PDE7B: variants seen among roughly 807,000 people sequenced by gnomAD.
PDE7B encodes 3',5'-cyclic-AMP phosphodiesterase 7B.
PDE7B carries 29 observed loss-of-function variants against 56.2 expected under a neutral mutation model. The observed-to-expected ratio is 0.52, with a 90% CI of 0.38 to 0.70. The LOEUF is 0.70. Ranked by LOEUF, PDE7B falls within the 30% of genes least tolerant of loss-of-function variation. The probability of loss-of-function intolerance (pLI) is 0.00; values close to 1 mark genes in which losing one functional copy is unlikely to be tolerated. For synonymous variants in PDE7B, 197 were observed against 196.9 expected, an observed-to-expected ratio of 1.00 and a Z score of 0.00; for missense variants, 490 against 565.0, an observed-to-expected ratio of 0.87 and a Z score of 1.35.
At chr6:135,885,026 C>T (rs573094745) in intron 1 of PDE7B, among the ~76,000 whole-genome samples, 4 of 152,222 alleles carry the variant, frequency 2.6e-5, no homozygotes, top group Admixed American at 6.5e-5. Flanking sequence ...ATTTCCATGC[C>T]GTCACTTAAC....
At chr6:135,877,629 C>A (rs1775523698) in intron 1 of PDE7B, among the ~76,000 whole-genome samples, 1 of 151,816 alleles carries the variant, frequency 6.6e-6, no homozygotes, top group Non-Finnish European at 1.5e-5. Flanking sequence ...AACCCTATAC[C>A]AGAGGTCTCA....
chr6:136,006,920 C>T (rs113334824), intron 2 of PDE7B, among the ~76,000 whole-genome samples: 7,165 of 152,186 alleles, frequency 0.047, 550 homozygotes, highest in African/African-American at 0.16. Flanking sequence ...TGCCTGATTG[C>T]TATGGCCAGG....
At chr6:135,990,066 C>T (rs956000053) in intron 2 of PDE7B, among the ~76,000 whole-genome samples, 2 of 151,062 alleles carry the variant, frequency 1.3e-5, no homozygotes, top group African/African-American at 2.4e-5. Flanking sequence ...AATTGGGACT[C>T]AGCAATCTGT....
At chr6:136,020,190 G>T (rs568455703) in intron 2 of PDE7B, among the ~76,000 whole-genome samples, 24 of 152,094 alleles carry the variant, frequency 1.6e-4, no homozygotes, top group Non-Finnish European at 2.9e-4. Context: ...CTCTTGTGAA[G>T]GTATTTCTGT....
chr6:136,137,224 C>T (rs1326924325), intron 3 of PDE7B, among the ~76,000 whole-genome samples: 1 of 151,808 alleles, frequency 6.6e-6, no homozygotes, highest in Non-Finnish European at 1.5e-5. Context: ...CACCTGTGAA[C>T]AGCCACCACA....
At chr6:135,870,730 A>G (rs545013988) in intron 1 of PDE7B, among the ~76,000 whole-genome samples, 1 of 152,072 alleles carries the variant, frequency 6.6e-6, no homozygotes, top group South Asian at 2.1e-4. Context: ...AACAGAGATG[A>G]AAAGTCTGGA....
chr6:136,078,824 T>TA (rs894780623), intron 2 of PDE7B, among the ~76,000 whole-genome samples: 1 of 152,122 alleles, frequency 6.6e-6, no homozygotes, highest in African/African-American at 2.4e-5. Flanking sequence ...CCTTATAATT[T>TA]AAAAAAATCT....
intron 1 of PDE7B, among the ~76,000 whole-genome samples, chr6:135,935,163 CAGAG>C (rs538190106): frequency 1.1e-4 from 6 of 56,388 alleles, no homozygotes; most frequent in Non-Finnish European, 1.8e-4. Flanking sequence ...ATATATGAGA[CAGAG>C]AATTTTATAT....
At chr6:135,982,971 C>T (rs1452136210) in intron 2 of PDE7B, among the ~76,000 whole-genome samples, 1 of 152,130 alleles carries the variant, frequency 6.6e-6, no homozygotes, top group African/African-American at 2.4e-5. Context: ...TTGTCCTCAT[C>T]TAGTTTTCAT....
intron 2 of PDE7B, among the ~76,000 whole-genome samples, chr6:136,090,916 A>G (rs1337312676): frequency 6.6e-6 from 1 of 152,194 alleles, no homozygotes; most frequent in Non-Finnish European, 1.5e-5. Context: ...CTACAAGTCA[A>G]TTCATTTCAC....
intron 8 of PDE7B, among the ~76,000 whole-genome samples, chr6:136,170,624 G>A (rs925180444): frequency 4.6e-5 from 7 of 152,102 alleles, no homozygotes; most frequent in African/African-American, 1.7e-4. Flanking sequence ...ACCTGAAACT[G>A]AGTAATTTAC....
chr6:136,120,592 T>A (rs913062277), intron 3 of PDE7B, among the ~76,000 whole-genome samples: 7 of 152,136 alleles, frequency 4.6e-5, no homozygotes, highest in African/African-American at 1.2e-4. Context: ...TTGGTAGGTT[T>A]CATAGCAGAA....
At chr6:136,144,571 C>T (rs1249025671) in intron 3 of PDE7B, among the ~76,000 whole-genome samples, 3 of 152,068 alleles carry the variant, frequency 2.0e-5, no homozygotes, top group Non-Finnish European at 2.9e-5. Flanking sequence ...ATGCATAAAT[C>T]CATATCCAAA....
In PDE7B at chr6:136,108,954, A is replaced by C. The variant is rs982557625; in HGVS notation, c.166+140A>C. ...TCTCTCTTCTGCCAACTAGAACTTA[A>C]CCCTTTGTCTTTGAGTTTCCTCACA... is the stretch of plus-strand genomic sequence containing the variant. On this transcript the variant is annotated intron_variant, in intron 3 of 12. Coordinates refer to ENST00000308191, the MANE Select transcript of PDE7B (RefSeq NM_018945.4). 5.7e-5 allele frequency: 37 copies of C among 653,804 alleles called. No homozygotes were observed. In the Admixed American group the frequency reaches 8.6e-4, roughly 15 times the overall value. 40.5% of individuals were successfully genotyped at this position (653,804 alleles called of 1,614,324 possible).
chr6:135,917,607 T>G (rs978436625), intron 1 of PDE7B, among the ~76,000 whole-genome samples: 15 of 152,150 alleles, frequency 9.9e-5, no homozygotes, highest in East Asian at 5.8e-4. Flanking sequence ...TGTTGTTGTT[T>G]TTTTTTTATT....
Position 136,174,655 on chromosome 6 carries a change from A to G in PDE7B, c.803+767A>G, listed in dbSNP as rs563906981. 2.0e-5 allele frequency among the ~76,000 whole-genome samples: 3 copies of G among 152,258 alleles called. No homozygotes were observed. In the South Asian group the frequency reaches 6.2e-4, roughly 32 times the overall value. On this transcript the variant is annotated intron_variant, in intron 9 of 12. Coordinates refer to ENST00000308191, the MANE Select transcript of PDE7B (RefSeq NM_018945.4). ...TGCTGTACCCTTCTTCAAGACAAGC[A>G]CATAACTTGAGGTCAAGGACCAAGT... is the stretch of plus-strand genomic sequence containing the variant.
Position 135,935,190 on chromosome 6 carries a change from T to TTATATATATATATATGTATATATATATA in PDE7B, c.22-12259_22-12258insGTATATATATATATATATATATATATAT, listed in dbSNP as rs1774396183. On this transcript the variant is annotated intron_variant, in intron 1 of 12. Coordinates refer to ENST00000308191, the MANE Select transcript of PDE7B (RefSeq NM_018945.4). ...GAGAATTTTATATATATATATTTAT[T>TTATATATATATATATGTATATATATATA]TATATATATATATATATATATATAT... Among the ~76,000 whole-genome samples the TTATATATATATATATGTATATATATATA allele has an allele frequency of 1.1e-4, 4 of 36,190 alleles. No homozygotes were observed. The East Asian group carries it at 4.0e-3, about 36-fold the overall frequency. The allele number at this position is 36,190 out of a possible 152,430, so 23.7% of individuals were successfully genotyped here.
chr6:136,022,990 G>T lies in PDE7B; in HGVS notation c.82+75466G>T, dbSNP rs530440995. 4.0e-5 allele frequency among the ~76,000 whole-genome samples: 6 copies of T among 151,668 alleles called. No homozygotes were observed. The South Asian group carries it at 1.0e-3, about 26-fold the overall frequency. On this transcript the variant is annotated intron_variant, in intron 2 of 12. Coordinates refer to ENST00000308191, the MANE Select transcript of PDE7B (RefSeq NM_018945.4). ...GAAAGGGAGAGAGAGAAACAGAAGG[G>T]TCTCAGAAAAAAAAAACCAGCTCAC...
chr6:136,084,954 A>G (rs924545167), intron 2 of PDE7B, among the ~76,000 whole-genome samples: 1 of 151,924 alleles, frequency 6.6e-6, no homozygotes, highest in Non-Finnish European at 1.5e-5. Flanking sequence ...CAAAACACCC[A>G]TCTCCTCCAC....
Sources: gnomAD v4.1 joint callset for allele counts (sites outside exome capture counted in the v4.1 genomes callset) on GRCh38, gnomAD v4.1.1 for gene constraint, MANE v1.5 for transcripts, NCBI Gene and HGNC (gene_info 2026-07-23, HGNC 2026-07-21) for gene names.